EYS: variants seen among roughly 807,000 people sequenced by gnomAD.
EYS encodes EGF-like photoreceptor maintenance factor, also known as protein eyes shut homolog.
Under a neutral mutation model 282.1 loss-of-function variants are expected in EYS, and 250 were observed. The observed-to-expected ratio is 0.89, with a 90% CI of 0.80 to 0.98. The LOEUF is 0.98. Ranked by LOEUF, EYS falls within the 50% of genes least tolerant of loss-of-function variation. The probability of loss-of-function intolerance (pLI) is 0.00; values close to 1 mark genes in which losing one functional copy is unlikely to be tolerated. For missense variants in EYS, 4,016 were observed against 3,709.0 expected, an observed-to-expected ratio of 1.08 and a Z score of -2.15; for synonymous variants, 1,355 against 1,282.9, an observed-to-expected ratio of 1.06 and a Z score of -1.20.
intron 8 of EYS, among the ~76,000 whole-genome samples, chr6:65,360,236 T>C (rs991847231): frequency 6.6e-6 from 1 of 152,072 alleles, no homozygotes; most frequent in African/African-American, 2.4e-5. Context: ...TCTTATTCTA[T>C]CCAATTTAAA....
At chr6:64,617,050 A>T (rs1404956198) in intron 24 of EYS, among the ~76,000 whole-genome samples, 3 of 152,158 alleles carry the variant, frequency 2.0e-5, no homozygotes, top group Non-Finnish European at 4.4e-5. Context: ...CCCTGGAAGT[A>T]GTACTATGTC....
chr6:63,906,601 C>T (rs771678052), intron 35 of EYS, among the ~76,000 whole-genome samples: 33 of 152,248 alleles, frequency 2.2e-4, no homozygotes, highest in African/African-American at 6.0e-4. Flanking sequence ...CCTTACTGAA[C>T]GCTTTTGAAA....
chr6:64,077,050 A>G (rs947217781), intron 32 of EYS, among the ~76,000 whole-genome samples: 3 of 151,984 alleles, frequency 2.0e-5, no homozygotes, highest in Non-Finnish European at 4.4e-5. Flanking sequence ...CTGTCATAAA[A>G]AAGATGAAAT....
chr6:64,977,397 T>C (rs1356790968), intron 14 of EYS, among the ~76,000 whole-genome samples: 1 of 151,968 alleles, frequency 6.6e-6, no homozygotes, highest in East Asian at 1.9e-4. Context: ...ATAAATGTTG[T>C]GTGCGTCTGA....
intron 41 of EYS, among the ~76,000 whole-genome samples, chr6:63,753,177 T>TATATA (rs1769388704): frequency 1.4e-5 from 2 of 147,974 alleles, no homozygotes; most frequent in African/African-American, 4.9e-5. Context: ...TGTATATATA[T>TATATA]TTTTTACAGT....
At chr6:64,024,625 C>G (rs1406519400) in intron 33 of EYS, among the ~76,000 whole-genome samples, 1 of 152,080 alleles carries the variant, frequency 6.6e-6, no homozygotes, top group Non-Finnish European at 1.5e-5. Context: ...TCCACACTGC[C>G]TTTATGAGCT....
At chr6:64,305,354 T>TTA in intron 30 of EYS, among the ~76,000 whole-genome samples, 1 of 13,964 alleles carries the variant, frequency 7.2e-5, no homozygotes, top group South Asian at 2.4e-3. Context: ...ATCCCAGTGA[T>TTA]TTTTTTTTTT....
intron 13 of EYS, among the ~76,000 whole-genome samples, chr6:65,043,403 A>G (rs1772997971): frequency 2.0e-5 from 3 of 151,540 alleles, no homozygotes; most frequent in East Asian, 1.9e-4. Flanking sequence ...GTCATAGTAC[A>G]AATGAACTCT....
intron 5 of EYS, among the ~76,000 whole-genome samples, chr6:65,428,671 T>C (rs1274267679): frequency 1.3e-5 from 2 of 152,160 alleles, no homozygotes; most frequent in African/African-American, 2.4e-5. Context: ...ACTCCACCCA[T>C]GCCCTCAGGT....
chr6:64,402,908 T>C (rs911770577), intron 28 of EYS, among the ~76,000 whole-genome samples: 1 of 152,208 alleles, frequency 6.6e-6, no homozygotes. Flanking sequence ...ACTTCAGATC[T>C]TTCCACTGAA....
intron 2 of EYS, among the ~76,000 whole-genome samples, chr6:65,557,639 C>A (rs567172064): frequency 6.6e-6 from 1 of 152,114 alleles, no homozygotes; most frequent in Non-Finnish European, 1.5e-5. Flanking sequence ...TCTGGGAGTG[C>A]GTCACCACCT....
chr6:64,529,436 T>C (rs1764246120), intron 26 of EYS, among the ~76,000 whole-genome samples: 2 of 152,092 alleles, frequency 1.3e-5, no homozygotes, highest in Non-Finnish European at 2.9e-5. Flanking sequence ...CCAGACTTAA[T>C]TGTGAAGATG....
intron 2 of EYS, among the ~76,000 whole-genome samples, chr6:65,554,426 A>G (rs1016430351): frequency 2.6e-5 from 4 of 152,028 alleles, no homozygotes; most frequent in African/African-American, 9.7e-5. Flanking sequence ...TTGCTTTTAT[A>G]CTGATATCAG....
intron 12 of EYS, among the ~76,000 whole-genome samples, chr6:65,244,025 T>C (rs569731280): frequency 6.6e-6 from 1 of 152,330 alleles, no homozygotes; most frequent in African/African-American, 2.4e-5. Flanking sequence ...TCCTCTTCTC[T>C]CCATCCCTTC....
chr6:63,882,423 G>A (rs1360383123), intron 35 of EYS, among the ~76,000 whole-genome samples: 1 of 152,158 alleles, frequency 6.6e-6, no homozygotes, highest in Non-Finnish European at 1.5e-5. Context: ...GAGGGGCAGA[G>A]GAGCAGGCCT....
At chr6:63,933,317 C>T (rs1392287077) in intron 35 of EYS, among the ~76,000 whole-genome samples, 1 of 152,178 alleles carries the variant, frequency 6.6e-6, no homozygotes, top group Non-Finnish European at 1.5e-5. Flanking sequence ...ACTGCAACCT[C>T]CACCTCAGCC....
chr6:65,502,222 G>A (rs765747896), intron 2 of EYS, among the ~76,000 whole-genome samples: 21 of 151,598 alleles, frequency 1.4e-4, no homozygotes, highest in South Asian at 2.1e-4. Flanking sequence ...GCTATAAAGA[G>A]CATAAGGATG....
chr6:65,347,303 A>T (rs568593610), intron 9 of EYS, among the ~76,000 whole-genome samples: 75 of 151,904 alleles, frequency 4.9e-4, no homozygotes, highest in African/African-American at 1.8e-3. Flanking sequence ...GTGTCTTCGT[A>T]TGTAAACTGG....
intron 35 of EYS, among the ~76,000 whole-genome samples, chr6:63,935,646 A>G (rs980401102): frequency 4.6e-5 from 7 of 152,230 alleles, no homozygotes; most frequent in Non-Finnish European, 7.3e-5. Flanking sequence ...CTGCATGCCA[A>G]CAGACAGGCT....
Sources: gnomAD v4.1 joint callset for allele counts (sites outside exome capture counted in the v4.1 genomes callset) on GRCh38, gnomAD v4.1.1 for gene constraint, MANE v1.5 for transcripts, NCBI Gene and HGNC (gene_info 2026-07-23, HGNC 2026-07-21) for gene names.